ANO2: variants seen among roughly 807,000 people sequenced by gnomAD.
The protein encoded by ANO2 is anoctamin 2, also known as anoctamin-2.
ANO2 carries 101 observed loss-of-function variants against 124.2 expected under a neutral mutation model. The observed-to-expected ratio is 0.81, with a 90% CI of 0.69 to 0.96. The LOEUF (loss-of-function observed/expected upper bound fraction) is 0.96, where lower values mean the gene tolerates loss of function less well. Ranked by LOEUF, ANO2 falls within the 40% of genes least tolerant of loss-of-function variation. The pLI is 0.00. For missense variants in ANO2, 1,293 were observed against 1,274.5 expected (o/e 1.01, Z -0.22); for synonymous variants, 486 against 482.5 (o/e 1.01, Z -0.09).
intron 8 of ANO2, 98 bp from the exon 9 acceptor site, chr12:5,806,191 C>CA: frequency 7.9e-7 from 1 of 1,263,738 alleles, no homozygotes; most frequent in Non-Finnish European, 1.1e-6. Flanking sequence ...AATATCATTG[C>CA]TTTTTTTTCA....
chr12:5,913,272 A>G (rs1323230920), intron 3 of ANO2, among the ~76,000 whole-genome samples: 1 of 152,208 alleles, frequency 6.6e-6, no homozygotes, highest in Non-Finnish European at 1.5e-5. Flanking sequence ...CAAGTTTTAT[A>G]TAGGTAAGAG....
chr12:5,717,419 G>C (rs1483421187), intron 14 of ANO2, among the ~76,000 whole-genome samples: 1 of 152,206 alleles, frequency 6.6e-6, no homozygotes, highest in East Asian at 1.9e-4. Flanking sequence ...AAGGGAGTTG[G>C]TTTTGGACAT....
intron 4 of ANO2, chr12:5,851,940 A>G (rs1303055977): frequency 2.7e-6 from 2 of 742,204 alleles, no homozygotes; most frequent in South Asian, 1.4e-5. Flanking sequence ...TAACATGGGC[A>G]TTAGAGTTTT....
At chr12:5,801,331 G>A (rs572082357) in intron 9 of ANO2, among the ~76,000 whole-genome samples, 1 of 152,290 alleles carries the variant, frequency 6.6e-6, no homozygotes, top group East Asian at 1.9e-4. Context: ...CCTCATCTAG[G>A]TATCCATGCT....
intron 14 of ANO2, among the ~76,000 whole-genome samples, chr12:5,677,743 C>G (rs1301090251): frequency 6.6e-6 from 1 of 152,210 alleles, no homozygotes; most frequent in East Asian, 1.9e-4. Context: ...TTACACCTTT[C>G]AAAAGGTGCT....
At chr12:5,912,501 T>G (rs1941115499) in intron 3 of ANO2, among the ~76,000 whole-genome samples, 1 of 151,688 alleles carries the variant, frequency 6.6e-6, no homozygotes, top group Non-Finnish European at 1.5e-5. Context: ...CATTATAGAG[T>G]CTTTGGAGAT....
intron 3 of ANO2, among the ~76,000 whole-genome samples, chr12:5,913,275 G>C (rs1284296752): frequency 6.6e-6 from 1 of 152,194 alleles, no homozygotes; most frequent in East Asian, 1.9e-4. Flanking sequence ...GTTTTATATA[G>C]GTAAGAGTGA....
intron 10 of ANO2, among the ~76,000 whole-genome samples, chr12:5,791,747 C>T (rs1952702433): frequency 6.6e-6 from 1 of 152,188 alleles, no homozygotes; most frequent in Non-Finnish European, 1.5e-5. Context: ...CACAGGGTTG[C>T]TGTGAGGCAC....
intron 19 of ANO2, among the ~76,000 whole-genome samples, chr12:5,610,650 A>C (rs1944475576): frequency 7.0e-6 from 1 of 142,000 alleles, no homozygotes; most frequent in Non-Finnish European, 1.5e-5. Context: ...TTTATATATA[A>C]ATCTCTGACC....
intron 7 of ANO2, among the ~76,000 whole-genome samples, chr12:5,816,425 T>A (rs1232869034): frequency 6.6e-6 from 1 of 152,128 alleles, no homozygotes; most frequent in East Asian, 1.9e-4. Context: ...AATCTGGCCT[T>A]TGGGTTCTCC....
intron 1 of ANO2, among the ~76,000 whole-genome samples, chr12:5,935,201 A>G (rs1942596283): frequency 6.6e-6 from 1 of 152,178 alleles, no homozygotes; most frequent in Non-Finnish European, 1.5e-5. Flanking sequence ...CTGCTTGAGG[A>G]TAGGCATAGT....
At chr12:5,673,527 C>T (rs1948106246) in intron 14 of ANO2, among the ~76,000 whole-genome samples, 1 of 152,178 alleles carries the variant, frequency 6.6e-6, no homozygotes, top group Admixed American at 6.5e-5. Flanking sequence ...GCCCTTTGCT[C>T]TTTAAGTGAA....
chr12:5,945,270 A>G (rs1188853465), upstream of ANO2: 11 of 1,262,808 alleles, frequency 8.7e-6, no homozygotes, highest in Admixed American at 2.7e-4. Context: ...GGGCAGGCTT[A>G]TGCCGCCGCG....
At chr12:5,634,764 C>T (rs1270213175) in intron 16 of ANO2, among the ~76,000 whole-genome samples, 1 of 152,192 alleles carries the variant, frequency 6.6e-6, no homozygotes, top group Non-Finnish European at 1.5e-5. Context: ...CTTTCCTCAA[C>T]TTTATAGATG....
At chr12:5,654,351 C>G (rs1947058999) in intron 14 of ANO2, among the ~76,000 whole-genome samples, 1 of 152,108 alleles carries the variant, frequency 6.6e-6, no homozygotes, top group Non-Finnish European at 1.5e-5. Flanking sequence ...ATTTTTAATT[C>G]TAAATAATAT....
chr12:5,606,827 AC>A (rs1322623218), intron 19 of ANO2, among the ~76,000 whole-genome samples: 1 of 152,156 alleles, frequency 6.6e-6, no homozygotes, highest in African/African-American at 2.4e-5. Context: ...AGAATGTTGC[AC>A]CCTCAGAGAA....
In ANO2 at chr12:5,578,360, AC is replaced by A. The variant is rs1942542360; in HGVS notation, c.2386+5del. On this transcript the variant is annotated splice_donor_5th_base_variant and intron_variant, in intron 21 of 24. Coordinates refer to ENST00000682330, the MANE Select transcript of ANO2 (RefSeq NM_001364791.2). ...GCCTGGTGGGGCCTCTAAGTGGGGC[AC>A]GTACCGATATCTTTGGTTCTTACAG... is the stretch of plus-strand genomic sequence containing the variant. The A allele has an allele frequency of 6.2e-7, 1 of 1,612,964 alleles. No individual in the cohort carries two copies. The highest frequency in any genetic ancestry group is 2.2e-5 in the East Asian group (1 of 44,864).
At position 5,565,681 on chromosome 12, in the gene ANO2, T is replaced by C; in HGVS notation, c.2622-18A>G. 6.4e-7 allele frequency: 1 copy of C among 1,566,058 alleles called. No individual in the cohort carries two copies. On this transcript the variant is annotated intron_variant, in intron 23 of 24. Coordinates refer to ENST00000682330, the MANE Select transcript of ANO2 (RefSeq NM_001364791.2). ...CCTTAAACCTGCCCAAAGAGAAATG[T>C]GGTGTTAAGATCAGGAGCGCATGGA... is the stretch of plus-strand genomic sequence containing the variant.
At chr12:5,899,111 C>A (rs1940000359) in intron 3 of ANO2, among the ~76,000 whole-genome samples, 1 of 152,222 alleles carries the variant, frequency 6.6e-6, no homozygotes, top group East Asian at 1.9e-4. Context: ...AGTCCGCCAA[C>A]ACCTTGGCCA....
Sources: allele counts gnomAD v4.1 joint callset (sites outside exome capture counted in the v4.1 genomes callset), GRCh38; gene constraint gnomAD v4.1.1; transcripts MANE v1.5; gene names NCBI Gene and HGNC (gene_info 2026-07-23, HGNC 2026-07-21).